The following RAPGEF2 variants were observed in gnomAD, a reference collection of about 807,000 sequenced individuals.
RAPGEF2 encodes the protein PDZ domain containing guanine nucleotide exchange factor (GEF) 1.
Under a neutral mutation model 186.7 loss-of-function variants are expected in RAPGEF2, and 54 were observed. The observed-to-expected ratio is 0.29, with a 90% CI of 0.23 to 0.36. RAPGEF2 has a LOEUF of 0.36. Among genes scored for constraint, RAPGEF2 ranks in the 10% least tolerant of loss-of-function variants. The pLI is 1.00. For missense variants in RAPGEF2, 1,532 were observed against 2,045.0 expected (o/e 0.75, Z 4.84); for synonymous variants, 712 against 705.9 (o/e 1.01, Z -0.14).
At position 159,341,691 on chromosome 4, in the gene RAPGEF2, A is replaced by G. The variant is rs555035867; in HGVS notation, c.2662A>G (p.Met888Val). The G allele has an allele frequency of 8.7e-6, 14 of 1,613,978 alleles. No homozygotes were observed. Among genetic ancestry groups the G allele is most frequent in the Non-Finnish European group, 1.1e-5 (13 of 1,179,954 alleles). ...TGTGGAAGTTGCAACACAGCTCTCTATGCGAAATTTTGAACTCTTTCGCAA... is the reference window on the plus strand; with the variant it reads ...TGTGGAAGTTGCAACACAGCTCTCTGTGCGAAATTTTGAACTCTTTCGCAA... ...STVEVATQLS[M>V]RNFELFRNIE... is the part of the protein sequence containing the mutation. Residue 888 changes from methionine (M) to valine (V), a missense_variant, in exon 20 of 30, where the codon ATG becomes GTG. Met to Val is a conservative substitution (Grantham distance 21, BLOSUM62 1). This residue lies in a region of RAPGEF2 where 810 missense variants were observed against 1,210.5 expected (regional missense o/e 0.67). Transcript: ENST00000691494.
chr4:159,184,820 G>A (rs1434683203), intron 1 of RAPGEF2, among the ~76,000 whole-genome samples: 1 of 152,156 alleles, frequency 6.6e-6, no homozygotes, highest in Admixed American at 6.5e-5. Flanking sequence ...CCTTGCCCAT[G>A]CCTATGTCCT....
In RAPGEF2 at chr4:159,359,912, C is replaced by T. The variant is rs1267248852; in HGVS notation, c.*1773C>T. 2 of 152,212 alleles carry T rather than the reference C, an allele frequency of 1.3e-5. No homozygotes were observed. Among genetic ancestry groups the T allele is most frequent in the East Asian group, 3.8e-4 (2 of 5,196 alleles). The allele number at this position is 152,212 out of a possible 1,614,324, so 9.4% of individuals were successfully genotyped here. ...GAACATAGGACTGCTAATCTCAGTT[C>T]GCTCTGTGATGTCAAGTGCAGAATG... On this transcript the variant is annotated 3_prime_UTR_variant, in exon 30 of 30. Transcript: ENST00000691494.
chr4:159,143,220 A>G (rs2111168654), intron 1 of RAPGEF2, among the ~76,000 whole-genome samples: 1 of 152,210 alleles, frequency 6.6e-6, no homozygotes, highest in African/African-American at 2.4e-5. Flanking sequence ...CAGACTGGGC[A>G]ATACAGTGAG....
At chr4:159,313,131 G>C (rs1019497952) in intron 8 of RAPGEF2, among the ~76,000 whole-genome samples, 7 of 151,886 alleles carry the variant, frequency 4.6e-5, no homozygotes, top group African/African-American at 1.7e-4. Flanking sequence ...CTGGGCAACA[G>C]AGCAAGACTC....
At chr4:159,185,994 C>T (rs1747516313) in intron 1 of RAPGEF2, among the ~76,000 whole-genome samples, 1 of 151,966 alleles carries the variant, frequency 6.6e-6, no homozygotes, top group Non-Finnish European at 1.5e-5. Context: ...ATACTAAATC[C>T]TTTCTGGCTT....
intron 7 of RAPGEF2, among the ~76,000 whole-genome samples, chr4:159,300,532 C>T (rs1762522593): frequency 6.6e-6 from 1 of 151,922 alleles, no homozygotes; most frequent in Non-Finnish European, 1.5e-5. Context: ...TTGGGAAATA[C>T]ATTGGTATTA....
chr4:159,118,860 C>T (rs939952610), intron 1 of RAPGEF2, among the ~76,000 whole-genome samples: 1 of 152,200 alleles, frequency 6.6e-6, no homozygotes, highest in African/African-American at 2.4e-5. Flanking sequence ...GCTGGTATTA[C>T]AGGCATGAGC....
Position 159,220,067 on chromosome 4 carries a change from T to C in RAPGEF2, c.281+9484T>C, listed in dbSNP as rs186602809. 2.0e-3 allele frequency among the ~76,000 whole-genome samples: 312 copies of C among 152,256 alleles called. 3 individuals carry two copies. Among genetic ancestry groups the C allele is most frequent in the Non-Finnish European group, 9.3e-4 (63 of 68,004 alleles). Reference sequence around the variant, plus strand: ...GACATAACCTTTGGATTTAGCAACTTGGGAGTCCTATGTGACCTAACAGGA... The same window carrying C: ...GACATAACCTTTGGATTTAGCAACTCGGGAGTCCTATGTGACCTAACAGGA... On this transcript the variant is annotated intron_variant, in intron 4 of 29. Coordinates refer to ENST00000691494, the MANE Select transcript of RAPGEF2 (RefSeq NM_001394067.2).
chr4:159,346,792 C>T lies in RAPGEF2; in HGVS notation c.3506C>T (p.Pro1169Leu). 6 of 1,613,836 alleles carry T rather than the reference C, an allele frequency of 3.7e-6. No individual in the cohort carries two copies. The highest frequency in any genetic ancestry group is 5.1e-6 in the Non-Finnish European group (6 of 1,179,794). Residue 1169 changes from proline (P) to leucine (L), a missense_variant, in exon 25 of 30, where the codon CCT becomes CTT. Transcript: ENST00000691494. Reference protein sequence around the residue: ...LQCEPATNTLPKNPGDKKPVK... With the variant: ...LQCEPATNTLLKNPGDKKPVK... ...TTCAAACCCAAACAATTATCAGTGCCTAAGAATCCTGGTGACAAAAAGCCT... is the reference window on the plus strand; with the variant it reads ...TTCAAACCCAAACAATTATCAGTGCTTAAGAATCCTGGTGACAAAAAGCCT...
intron 7 of RAPGEF2, among the ~76,000 whole-genome samples, chr4:159,303,468 A>G (rs956425971): frequency 9.2e-5 from 14 of 152,148 alleles, no homozygotes; most frequent in African/African-American, 3.4e-4. Context: ...GCTCAATAGT[A>G]TAATGTGTGA....
intron 4 of RAPGEF2, among the ~76,000 whole-genome samples, chr4:159,234,363 C>CCAG (rs1752983799): frequency 1.4e-5 from 2 of 139,582 alleles, no homozygotes; most frequent in African/African-American, 5.7e-5. Flanking sequence ...TGGCTTTCAG[C>CCAG]TGGTGTAATA....
chr4:159,202,144 C>T (rs1380605579), intron 3 of RAPGEF2, among the ~76,000 whole-genome samples: 5 of 152,194 alleles, frequency 3.3e-5, no homozygotes, highest in African/African-American at 1.2e-4. Context: ...CCTATTCTTT[C>T]TCACAAAGCA....
intron 1 of RAPGEF2, among the ~76,000 whole-genome samples, chr4:159,148,223 C>T (rs918111574): frequency 6.6e-6 from 1 of 152,018 alleles, no homozygotes; most frequent in African/African-American, 2.4e-5. Flanking sequence ...GCCCTTCAAC[C>T]ACATTTACAG....
intron 6 of RAPGEF2, 38 bp downstream of exon 6, chr4:159,241,406 G>GT (rs1172573668): frequency 1.2e-5 from 15 of 1,246,378 alleles, no homozygotes; most frequent in Non-Finnish European, 1.5e-5. Flanking sequence ...TTTATTTCTA[G>GT]TTTTTTGTTG....
At chr4:159,295,523 T>G (rs1028345062) in intron 7 of RAPGEF2, among the ~76,000 whole-genome samples, 1 of 152,182 alleles carries the variant, frequency 6.6e-6, no homozygotes, top group African/African-American at 2.4e-5. Flanking sequence ...TATACATTAA[T>G]CAACTACCTC....
rs1742455523 is a variant in RAPGEF2, at chr4:159,142,473, C to T, written c.69+38242C>T. ...TTCATGAGTCAGTTTCACACAACAG[C>T]TGCTGTGGGGGAAGGGTTGACTTAC... On this transcript the variant is annotated intron_variant, in intron 1 of 29. Transcript: ENST00000691494. 2.0e-5 allele frequency among the ~76,000 whole-genome samples: 3 copies of T among 149,954 alleles called. No individual in the cohort carries two copies. The East Asian group carries it at 5.8e-4, about 29-fold the overall frequency.
intron 7 of RAPGEF2, among the ~76,000 whole-genome samples, chr4:159,245,418 G>A (rs990087977): frequency 6.6e-6 from 1 of 152,022 alleles, no homozygotes; most frequent in African/African-American, 2.4e-5. Context: ...CAGTCTTAGA[G>A]TGAGTAGATT....
At chr4:159,338,718 A>C (rs1485910986) in intron 18 of RAPGEF2, among the ~76,000 whole-genome samples, 1 of 152,258 alleles carries the variant, frequency 6.6e-6, no homozygotes, top group Non-Finnish European at 1.5e-5. Context: ...TAAAATGAAG[A>C]TAACACATCC....
intron 17 of RAPGEF2, among the ~76,000 whole-genome samples, chr4:159,337,341 G>A (rs1334031717): frequency 1.3e-5 from 2 of 152,066 alleles, no homozygotes; most frequent in Non-Finnish European, 2.9e-5. Flanking sequence ...CTAAAACATC[G>A]AGAATAAAAT....
Sources: allele counts gnomAD v4.1 joint callset (sites outside exome capture counted in the v4.1 genomes callset), GRCh38; gene constraint gnomAD v4.1.1; regional missense constraint gnomAD v4.1.1; transcripts MANE v1.5; gene names NCBI Gene and HGNC (gene_info 2026-07-23, HGNC 2026-07-21).